Variants in MACROD2 observed in about 807,000 individuals in gnomAD.
MACROD2 encodes mono-ADP ribosylhydrolase 2.
Under a neutral mutation model 70.4 loss-of-function variants are expected in MACROD2, and 36 were observed. That is an observed-to-expected ratio of 0.51 (90% CI 0.39 to 0.68). MACROD2 has a LOEUF of 0.68. Ranked by LOEUF, MACROD2 falls within the 30% of genes least tolerant of loss-of-function variation. The pLI, the probability that MACROD2 is intolerant of heterozygous loss-of-function variation, is 0.00. For missense variants in MACROD2, 496 were observed against 538.4 expected, an observed-to-expected ratio of 0.92 and a Z score of 0.78; for synonymous variants, 172 against 178.8, an observed-to-expected ratio of 0.96 and a Z score of 0.30.
At chr20:14,235,962 C>T (rs965646287) in intron 3 of MACROD2, among the ~76,000 whole-genome samples, 1 of 152,038 alleles carries the variant, frequency 6.6e-6, no homozygotes, top group Non-Finnish European at 1.5e-5. Flanking sequence ...ACATACTGCT[C>T]ATGGACTAGT....
chr20:14,603,180 A>T (rs1351008112), intron 4 of MACROD2, among the ~76,000 whole-genome samples: 1 of 152,172 alleles, frequency 6.6e-6, no homozygotes, highest in Non-Finnish European at 1.5e-5. Flanking sequence ...TCTCTGATTT[A>T]TAACTTTCTC....
At chr20:15,639,896 G>A (rs2049429078) in intron 8 of MACROD2, among the ~76,000 whole-genome samples, 1 of 151,678 alleles carries the variant, frequency 6.6e-6, no homozygotes, top group Non-Finnish European at 1.5e-5. Context: ...AGAAAGGAGA[G>A]AAAAAGGACA....
At chr20:15,943,567 T>C (rs569008472) in intron 12 of MACROD2, among the ~76,000 whole-genome samples, 161 of 152,268 alleles carry the variant, frequency 1.1e-3, no homozygotes, top group Non-Finnish European at 1.4e-3. Flanking sequence ...GCTAGTATAC[T>C]GAAGGGGAAA....
chr20:15,388,643 C>A (rs1428944560), intron 6 of MACROD2, among the ~76,000 whole-genome samples: 2 of 152,222 alleles, frequency 1.3e-5, no homozygotes, highest in East Asian at 1.9e-4. Flanking sequence ...AATTACCAAG[C>A]ACCAGATAGT....
At chr20:15,927,311 G>A (rs2065505657) in intron 10 of MACROD2, among the ~76,000 whole-genome samples, 1 of 152,144 alleles carries the variant, frequency 6.6e-6, no homozygotes, top group African/African-American at 2.4e-5. Flanking sequence ...TGGGTGCCAA[G>A]GACACCACAG....
intron 5 of MACROD2, among the ~76,000 whole-genome samples, chr20:15,197,960 C>CTT (rs56284199): frequency 0.49 from 57,769 of 118,140 alleles, 16,301 homozygotes; most frequent in East Asian, 0.85. Context: ...GCCTGGCCTC[C>CTT]TTTTTTTTTT....
At chr20:14,436,338 A>G (rs529414974) in intron 3 of MACROD2, among the ~76,000 whole-genome samples, 22 of 152,288 alleles carry the variant, frequency 1.4e-4, no homozygotes, top group African/African-American at 4.3e-4. Context: ...AATATAAACA[A>G]TGTACCTTCC....
chr20:15,882,264 CTCT>C (rs1264101891), intron 9 of MACROD2, among the ~76,000 whole-genome samples: 6 of 152,018 alleles, frequency 3.9e-5, no homozygotes, highest in Non-Finnish European at 8.8e-5. Flanking sequence ...AGAAGCTTAT[CTCT>C]TCTTCTTCAT....
intron 8 of MACROD2, among the ~76,000 whole-genome samples, chr20:15,781,511 G>T (rs528498574): frequency 6.6e-6 from 1 of 152,166 alleles, no homozygotes. Flanking sequence ...AGTTTCTGAT[G>T]AGGGCTATCT....
intron 4 of MACROD2, among the ~76,000 whole-genome samples, chr20:14,586,690 A>G (rs1360066458): frequency 6.6e-6 from 1 of 152,056 alleles, no homozygotes; most frequent in Non-Finnish European, 1.5e-5. Flanking sequence ...CTCTTGCTTT[A>G]CAAAAGTTAG....
At chr20:14,439,910 C>A (rs6074737) in intron 3 of MACROD2, among the ~76,000 whole-genome samples, 63,842 of 151,778 alleles carry the variant, frequency 0.42, 14,397 homozygotes, top group Non-Finnish European at 0.51. Context: ...CAGAGTTAAG[C>A]AGTAAAAGAA....
intron 5 of MACROD2, among the ~76,000 whole-genome samples, chr20:14,998,567 TAC>T (rs1374828143): frequency 6.6e-6 from 1 of 151,618 alleles, no homozygotes; most frequent in Non-Finnish European, 1.5e-5. Flanking sequence ...TATTTGAAAA[TAC>T]ACAGTCACAG....
intron 3 of MACROD2, among the ~76,000 whole-genome samples, chr20:14,217,740 G>T (rs1433267056): frequency 6.6e-6 from 1 of 152,070 alleles, no homozygotes; most frequent in African/African-American, 2.4e-5. Flanking sequence ...AGCTAGGAGG[G>T]TTGTATTTTT....
intron 5 of MACROD2, among the ~76,000 whole-genome samples, chr20:14,990,576 C>T (rs554801926): frequency 4.4e-4 from 65 of 148,848 alleles, no homozygotes; most frequent in African/African-American, 1.3e-3. Flanking sequence ...TGCAATGGCG[C>T]GATCTCGACT....
intron 4 of MACROD2, among the ~76,000 whole-genome samples, chr20:14,536,357 A>G (rs2085363584): frequency 6.6e-6 from 1 of 152,214 alleles, no homozygotes. Flanking sequence ...AGGAAAATCC[A>G]TAGCCTGAAT....
At chr20:14,787,592 A>G (rs2072390626) in intron 5 of MACROD2, among the ~76,000 whole-genome samples, 1 of 152,114 alleles carries the variant, frequency 6.6e-6, no homozygotes, top group African/African-American at 2.4e-5. Context: ...TGTATCCAGG[A>G]GATTTAAGTA....
intron 15 of MACROD2, among the ~76,000 whole-genome samples, chr20:16,010,588 T>C (rs1244833878): frequency 1.3e-5 from 2 of 152,212 alleles, no homozygotes; most frequent in African/African-American, 2.4e-5. Flanking sequence ...TTATCCTCTT[T>C]AAAGTGTGCT....
In MACROD2 at chr20:14,454,301, G is replaced by A. The variant is rs922427745; in HGVS notation, c.272-39178G>A. Among the ~76,000 whole-genome samples, 7 of 151,248 alleles carry A rather than the reference G, an allele frequency of 4.6e-5. 1 individual carries two copies. In the South Asian group the frequency reaches 1.5e-3, roughly 32 times the overall value. ...TTGGTATGTATGAGTAATTTTCATA[G>A]TAAATATATTACTCCTTTACCATAT... On this transcript the variant is annotated intron_variant, in intron 3 of 17. Transcript: ENST00000684519.
At chr20:14,253,313 T>C (rs867998812) in intron 3 of MACROD2, among the ~76,000 whole-genome samples, 1 of 152,038 alleles carries the variant, frequency 6.6e-6, no homozygotes, top group African/African-American at 2.4e-5. Context: ...AGAAATGTTT[T>C]AACATAACTT....
Sources: gnomAD v4.1 joint callset for allele counts (sites outside exome capture counted in the v4.1 genomes callset) on GRCh38, gnomAD v4.1.1 for gene constraint, MANE v1.5 for transcripts, NCBI Gene and HGNC (gene_info 2026-07-23, HGNC 2026-07-21) for gene names.